The following RYR1 variants were observed in gnomAD, a reference collection of about 807,000 sequenced individuals.
The protein encoded by RYR1 is ryanodine receptor 1.
Under a neutral mutation model 583.5 loss-of-function variants are expected in RYR1, and 342 were observed. The observed-to-expected ratio is 0.59, with a 90% CI of 0.54 to 0.64. The LOEUF (loss-of-function observed/expected upper bound fraction) is 0.64, where lower values mean the gene tolerates loss of function less well. Among genes scored for constraint, RYR1 ranks in the 30% least tolerant of loss-of-function variants. The pLI is 0.00. For synonymous variants in RYR1, 2,791 were observed against 2,822.5 expected (o/e 0.99, Z 0.35); for missense variants, 6,032 against 6,917.2 (o/e 0.87, Z 4.54).
chr19:38,551,423 T>G (rs142272816), intron 89 of RYR1, among the ~76,000 whole-genome samples: 20 of 152,130 alleles, frequency 1.3e-4, no homozygotes, highest in African/African-American at 3.9e-4. Flanking sequence ...TGACTGGCCA[T>G]CTGCACTTAG....
intron 76 of RYR1, among the ~76,000 whole-genome samples, chr19:38,529,940 G>A (rs1323459302): frequency 2.6e-5 from 4 of 152,050 alleles, no homozygotes; most frequent in South Asian, 4.2e-4. Flanking sequence ...GTGGATAAGG[G>A]AATGAAGGCA....
chr19:38,546,060 C>T (rs1023316842), intron 87 of RYR1, among the ~76,000 whole-genome samples: 1 of 152,136 alleles, frequency 6.6e-6, no homozygotes, highest in African/African-American at 2.4e-5. Flanking sequence ...ATACATCTGT[C>T]AATCCCACCG....
In RYR1 at chr19:38,483,422, G is replaced by A. The variant is rs1382315890; in HGVS notation, c.4840G>A (p.Val1614Met). 6.3e-7 allele frequency: 1 copy of A among 1,577,984 alleles called. No individual in the cohort carries two copies. Among genetic ancestry groups the A allele is most frequent in the South Asian group, 1.2e-5 (1 of 86,208 alleles). Residue 1614 changes from valine (V) to methionine (M), a missense_variant, in exon 33 of 106, where the codon GTG becomes ATG. This residue lies in a region of RYR1 where 2,627 missense variants were observed against 2,961.3 expected (regional missense o/e 0.89). Coordinates refer to ENST00000359596, the MANE Select transcript of RYR1 (RefSeq NM_000540.3). The surrounding 1 kb of genome is among the most constrained non-coding windows in gnomAD (Gnocchi z 6.3). ...CCGCATGCCCAACCACTTCCTGCAG[G>A]TGGAGACGAGGCGTGCCGGCGAGCG... is the stretch of plus-strand genomic sequence containing the variant. ...WSRMPNHFLQ[V>M]ETRRAGERLG... is the part of the protein sequence containing the mutation.
chr19:38,527,341 T>C (rs1971509934), intron 72 of RYR1, among the ~76,000 whole-genome samples: 1 of 152,124 alleles, frequency 6.6e-6, no homozygotes, highest in African/African-American at 2.4e-5. Flanking sequence ...TGAAACCCCG[T>C]CTCTACTAAA....
chr19:38,513,060 G>A (rs117724779), intron 63 of RYR1, among the ~76,000 whole-genome samples: 2,656 of 151,804 alleles, frequency 0.017, 36 homozygotes, highest in Non-Finnish European at 0.028. Flanking sequence ...GCACTTGGCC[G>A]AGCGCAGTGG....
In RYR1 at chr19:38,442,543, G is replaced by A. The variant is rs1172704157; in HGVS notation, c.270+90G>A. ...AGGGCACGGTGGCAAGGATGGGTGAGAGGACCCGGGGGTCGCTTACCATCT... is the reference window on the plus strand; with the variant it reads ...AGGGCACGGTGGCAAGGATGGGTGAAAGGACCCGGGGGTCGCTTACCATCT... On this transcript the variant is annotated intron_variant, in intron 3 of 105. Transcript: ENST00000359596. The A allele has an allele frequency of 1.0e-5, 9 of 885,788 alleles. No individual in the cohort carries two copies. In the African/African-American group the frequency reaches 1.5e-4, roughly 15 times the overall value. The allele number at this position is 885,788 out of a possible 1,614,324, so 54.9% of individuals were successfully genotyped here.
chr19:38,517,832 G>A (rs1971045500), intron 66 of RYR1, 141 bp downstream of exon 66: 2 of 775,528 alleles, frequency 2.6e-6, no homozygotes. Context: ...AAAAGACCAG[G>A]GGTCAGCTGG....
At chr19:38,509,074 G>A (rs1970609016) in intron 58 of RYR1, among the ~76,000 whole-genome samples, 1 of 150,710 alleles carries the variant, frequency 6.6e-6, no homozygotes, top group African/African-American at 2.5e-5. Context: ...CCCCTTGAGA[G>A]CTACCCTCAG....
At chr19:38,559,741 G>A (rs1274262922) in intron 89 of RYR1, among the ~76,000 whole-genome samples, 2 of 152,132 alleles carry the variant, frequency 1.3e-5, no homozygotes, top group African/African-American at 4.8e-5. Context: ...GCACTTTTGA[G>A]AGCCAGAAAA....
In RYR1 at chr19:38,494,569, G is replaced by T; in HGVS notation, c.6492G>T (p.Ser2164=). ...SLLECLGQIR[S]LLIVQMGPQE... ...TCGAGTGCCTCGGCCAGATCCGCTC[G>T]CTGCTCATCGTGCAGATGGGCCCCC... Residue 2164 remains serine (S), a synonymous_variant, in exon 39 of 106, where the codon TCG becomes TCT. Coordinates refer to ENST00000359596, the MANE Select transcript of RYR1 (RefSeq NM_000540.3). 1.2e-6 allele frequency: 2 copies of T among 1,614,130 alleles called. No homozygotes were observed. The highest frequency in any genetic ancestry group is 1.7e-6 in the Non-Finnish European group (2 of 1,180,042).
chr19:38,444,441 C>A lies in RYR1; in HGVS notation c.538-143C>A. On this transcript the variant is annotated intron_variant, in intron 6 of 105. Coordinates refer to ENST00000359596, the MANE Select transcript of RYR1 (RefSeq NM_000540.3). This position sits in a 1 kb window ranked among gnomAD's most constrained non-coding sequence, Gnocchi z 5.1. ...CTGACCTCCCATTGCCCGACTTGAT[C>A]ATTTCCTGATCTGTGATCTCTGATG... 1 of 861,190 alleles carries A rather than the reference C, an allele frequency of 1.2e-6. No homozygotes were observed. The highest frequency in any genetic ancestry group is 1.9e-6 in the Non-Finnish European group (1 of 519,726). The allele number at this position is 861,190 out of a possible 1,614,324, so 53.3% of individuals were successfully genotyped here.
At chr19:38,505,189 C>T in intron 52 of RYR1, 108 bp downstream of exon 52, 1 of 1,219,540 alleles carries the variant, frequency 8.2e-7, no homozygotes, top group Non-Finnish European at 1.2e-6. Context: ...CCAGCCTTCC[C>T]TAAGACCCTT....
At position 38,567,534 on chromosome 19, in the gene RYR1, C is replaced by G. The variant is rs2960320; in HGVS notation, c.13515-239C>G. ...ATTCCCACAACCCCCTGAGCTTCCTCCATCCCAGCCCCGACCACTCTGGGC... is the reference window on the plus strand; with the variant it reads ...ATTCCCACAACCCCCTGAGCTTCCTGCATCCCAGCCCCGACCACTCTGGGC... On this transcript the variant is annotated intron_variant, in intron 92 of 105. Coordinates refer to ENST00000359596, the MANE Select transcript of RYR1 (RefSeq NM_000540.3). Among the ~76,000 whole-genome samples the G allele has an allele frequency of 0.12, 18,269 of 152,084 alleles. 1,843 individuals are homozygous for G. Among genetic ancestry groups the G allele is most frequent in the African/African-American group, 0.28 (11,511 of 41,436 alleles).
chr19:38,472,915 C>T (rs1483861009), intron 27 of RYR1, among the ~76,000 whole-genome samples: 1 of 146,606 alleles, frequency 6.8e-6, no homozygotes, highest in African/African-American at 2.5e-5. Flanking sequence ...TTTCAGGAGA[C>T]TGAGACACAA....
At chr19:38,585,241 G>A (rs1319889188) in intron 102 of RYR1, 142 bp downstream of exon 102, 15 of 992,696 alleles carry the variant, frequency 1.5e-5, no homozygotes, top group Non-Finnish European at 1.8e-5. Flanking sequence ...GTCACCTCTC[G>A]GGGCCTCCGT....
rs1479091383 is a variant in RYR1, at chr19:38,473,662, A to T, written c.4051A>T (p.Thr1351Ser). Reference protein sequence around the residue: ...WSEAENGKEGTAKEGAPGGTP... With the variant: ...WSEAENGKEGSAKEGAPGGTP... ...CGAGGCAGAGAACGGCAAAGAAGGG[A>T]CTGCGAAGGAGGGCGCCCCCGGGGG... Residue 1351 changes from threonine (T) to serine (S), a missense_variant, in exon 28 of 106, where the codon ACT (threonine) becomes TCT (serine). This residue lies in a region of RYR1 where 2,627 missense variants were observed against 2,961.3 expected (regional missense o/e 0.89). Coordinates refer to ENST00000359596, the MANE Select transcript of RYR1 (RefSeq NM_000540.3). The T allele has an allele frequency of 2.6e-6, 4 of 1,553,332 alleles. No individual in the cohort carries two copies. The highest frequency in any genetic ancestry group is 2.6e-6 in the Non-Finnish European group (3 of 1,148,578).
At chr19:38,578,872 G>T (rs528071890) in intron 99 of RYR1, among the ~76,000 whole-genome samples, 105 of 152,272 alleles carry the variant, frequency 6.9e-4, no homozygotes, top group Non-Finnish European at 1.3e-3. Context: ...AGCACTTTGG[G>T]AGGCGGAGGC....
chr19:38,554,974 A>G (rs775756678), intron 89 of RYR1, among the ~76,000 whole-genome samples: 132 of 152,324 alleles, frequency 8.7e-4, no homozygotes, highest in Admixed American at 6.5e-4. Flanking sequence ...GTGTGTTCAC[A>G]GAATTATGAA....
chr19:38,533,611 G>A (rs1381640867), intron 78 of RYR1, among the ~76,000 whole-genome samples: 1 of 152,066 alleles, frequency 6.6e-6, no homozygotes, highest in South Asian at 2.1e-4. Context: ...GGCCAACATG[G>A]TGAAACCCCA....
Sources: gnomAD v4.1 joint callset for allele counts (sites outside exome capture counted in the v4.1 genomes callset) on GRCh38, gnomAD v4.1.1 for gene constraint, gnomAD v4.1.1 regional missense constraint, Gnocchi (gnomAD v3.1) non-coding constraint, MANE v1.5 for transcripts, NCBI Gene and HGNC (gene_info 2026-07-23, HGNC 2026-07-21) for gene names.